AMZ1: variants seen among roughly 807,000 people sequenced by gnomAD.
The protein encoded by AMZ1 is archaemetzincin-1.
In AMZ1, 39 loss-of-function variants were observed where a neutral mutation model predicts 29.9. The observed-to-expected ratio is 1.30, with a 90% CI of 1.01 to 1.70. The LOEUF (loss-of-function observed/expected upper bound fraction) is 1.70. AMZ1 is among the 40% of genes most tolerant of loss of function. The pLI is 0.00. For synonymous variants in AMZ1, 458 were observed against 304.0 expected, an observed-to-expected ratio of 1.51 and a Z score of -5.27; for missense variants, 1,041 against 680.6, an observed-to-expected ratio of 1.53 and a Z score of -5.89.
At chr7:2,688,587 G>C (rs780864824) in intron 1 of AMZ1, among the ~76,000 whole-genome samples, 6 of 152,340 alleles carry the variant, frequency 3.9e-5, no homozygotes, top group Middle Eastern at 3.4e-3. Flanking sequence ...TCCTCTCCCA[G>C]GCCAGGGCGA....
At chr7:2,702,267 T>A (rs1188659728) in intron 2 of AMZ1, 1 of 159,930 alleles carries the variant, frequency 6.3e-6, no homozygotes. Flanking sequence ...CCATGCAGCC[T>A]GGCTCTGTGT....
intron 1 of AMZ1, among the ~76,000 whole-genome samples, chr7:2,688,710 C>T (rs977414721): frequency 8.5e-5 from 13 of 152,286 alleles, no homozygotes; most frequent in Admixed American, 5.2e-4. Flanking sequence ...GGGACGTCCC[C>T]GGGGAACCTC....
chr7:2,708,643 G>A lies in AMZ1; in HGVS notation c.528G>A (p.Leu176=). The A allele has an allele frequency of 1.9e-6, 3 of 1,613,176 alleles. No individual in the cohort carries two copies. Among genetic ancestry groups the A allele is most frequent in the Non-Finnish European group, 2.5e-6 (3 of 1,179,982 alleles). ...AGCCAGGGGACGCGCTGTGTGTGCTGGGCCTCACACTGTCTGACCTGTACC... is the reference window on the plus strand; with the variant it reads ...AGCCAGGGGACGCGCTGTGTGTGCTAGGCCTCACACTGTCTGACCTGTACC... ...NNKPGDALCV[L]GLTLSDLYPH... Residue 176 remains leucine (L), a synonymous_variant, in exon 4 of 7, where the codon CTG becomes CTA. Transcript: ENST00000683327.
intron 4 of AMZ1, among the ~76,000 whole-genome samples, chr7:2,733,092 G>A (rs1486604277): frequency 1.3e-5 from 2 of 152,204 alleles, no homozygotes; most frequent in East Asian, 3.8e-4. Context: ...CCGGGGGAGG[G>A]CTGCTGAAAC....
intron 4 of AMZ1, among the ~76,000 whole-genome samples, chr7:2,734,294 C>A (rs948992268): frequency 6.6e-6 from 1 of 152,200 alleles, no homozygotes; most frequent in Non-Finnish European, 1.5e-5. Context: ...CGCAATGAGT[C>A]CCTTCAAAGG....
chr7:2,726,635 C>T (rs1789629736), intron 4 of AMZ1, among the ~76,000 whole-genome samples: 2 of 152,188 alleles, frequency 1.3e-5, no homozygotes, highest in African/African-American at 4.8e-5. Flanking sequence ...TCTGCCTTTC[C>T]CACTTGTGGT....
At chr7:2,707,276 CA>C (rs34223369) in intron 3 of AMZ1, among the ~76,000 whole-genome samples, 78,078 of 144,606 alleles carry the variant, frequency 0.54, 21,763 homozygotes, top group East Asian at 0.83. Context: ...CACTCCATCT[CA>C]AAAAAAAAAA....
At chr7:2,707,818 C>CA (rs1788451689) in intron 3 of AMZ1, among the ~76,000 whole-genome samples, 1 of 95,334 alleles carries the variant, frequency 1.0e-5, no homozygotes, top group South Asian at 3.7e-4. Flanking sequence ...CTAACGAGGG[C>CA]TTTTTTTTTT....
At chr7:2,696,357 C>G (rs969177321) in intron 1 of AMZ1, among the ~76,000 whole-genome samples, 8 of 149,400 alleles carry the variant, frequency 5.4e-5, no homozygotes, top group Admixed American at 1.3e-4. Context: ...CCCAGGTTCA[C>G]GCCATTCTCC....
chr7:2,763,426 C>G (rs1273600300), upstream of AMZ1: 5 of 152,444 alleles, frequency 3.3e-5, no homozygotes, highest in African/African-American at 1.2e-4. Context: ...TATGGCCCTG[C>G]CAAACGCCTG....
chr7:2,686,826 T>G (rs75790643), upstream of AMZ1, among the ~76,000 whole-genome samples: 19,451 of 151,880 alleles, frequency 0.13, 1,619 homozygotes, highest in East Asian at 0.39. Flanking sequence ...GTGATTCTCC[T>G]GCTTCAGCCT....
downstream of AMZ1, among the ~76,000 whole-genome samples, chr7:2,721,251 G>A (rs897923415): frequency 1.3e-5 from 2 of 152,222 alleles, no homozygotes; most frequent in Admixed American, 6.5e-5. Context: ...GGCCTGAGCC[G>A]GGCCCTGTGC....
intron 4 of AMZ1, among the ~76,000 whole-genome samples, chr7:2,740,697 T>TA (rs542860632): frequency 8.2e-4 from 125 of 152,296 alleles, no homozygotes; most frequent in African/African-American, 2.8e-3. Context: ...GGCTCATTCT[T>TA]AAACAGTTTC....
chr7:2,722,580 T>A (rs1240741527), downstream of AMZ1, among the ~76,000 whole-genome samples: 1 of 152,200 alleles, frequency 6.6e-6, no homozygotes, highest in African/African-American at 2.4e-5. Flanking sequence ...CAGGACATTT[T>A]GAATGTTTTA....
At position 2,707,670 on chromosome 7, in the gene AMZ1, A is replaced by T. The variant is rs149379676; in HGVS notation, c.473-918A>T. ...CAGGCTAAAGTCAAGGGTTGGCTCC[A>T]GGAAACTCCAGGGAGAATCCATTTC... On this transcript the variant is annotated intron_variant, in intron 3 of 6. Transcript: ENST00000683327. Among the ~76,000 whole-genome samples the T allele has an allele frequency of 1.6e-3, 245 of 152,116 alleles. 5 individuals carry two copies. Among genetic ancestry groups the T allele is most frequent in the Admixed American group, 0.013 (196 of 15,238 alleles).
At chr7:2,708,968 C>T (rs573124716) in intron 4 of AMZ1, 107 bp from the exon 5 acceptor site, 6 of 1,394,528 alleles carry the variant, frequency 4.3e-6, no homozygotes, top group Non-Finnish European at 4.8e-6. Context: ...ACTGGTATGT[C>T]TTTGGGCCAT....
chr7:2,723,294 G>A (rs1430409813), downstream of AMZ1, among the ~76,000 whole-genome samples: 3 of 152,204 alleles, frequency 2.0e-5, no homozygotes, highest in Non-Finnish European at 1.5e-5. Context: ...GTTTGCAGGG[G>A]AATGTGGCAA....
upstream of AMZ1, among the ~76,000 whole-genome samples, chr7:2,764,022 A>T (rs1294704160): frequency 6.6e-6 from 1 of 152,140 alleles, no homozygotes; most frequent in Non-Finnish European, 1.5e-5. Context: ...TACTTTCTAG[A>T]AGTCTTCCTA....
At chr7:2,747,778 T>C (rs1790839266) in intron 4 of AMZ1, among the ~76,000 whole-genome samples, 1 of 152,130 alleles carries the variant, frequency 6.6e-6, no homozygotes, top group Non-Finnish European at 1.5e-5. Context: ...GAAAACCCCA[T>C]CATCTCAGCC....
Sources: allele counts gnomAD v4.1 joint callset (sites outside exome capture counted in the v4.1 genomes callset), GRCh38; gene constraint gnomAD v4.1.1; transcripts MANE v1.5; gene names NCBI Gene and HGNC (gene_info 2026-07-23, HGNC 2026-07-21).